The following ABHD12B variants were observed in gnomAD, a reference collection of about 807,000 sequenced individuals.
ABHD12B encodes the protein abhydrolase domain containing 12B, also known as protein ABHD12B.
ABHD12B carries 42 observed loss-of-function variants against 50.4 expected under a neutral mutation model. That is an observed-to-expected ratio of 0.83 (90% CI 0.65 to 1.08). The LOEUF is 1.08. ABHD12B is among the 50% of genes least tolerant of loss of function. The probability of loss-of-function intolerance (pLI) is 0.00; values close to 1 mark genes in which losing one functional copy is unlikely to be tolerated. For synonymous variants in ABHD12B, 167 were observed against 160.3 expected, an observed-to-expected ratio of 1.04 and a Z score of -0.32; for missense variants, 479 against 447.7, an observed-to-expected ratio of 1.07 and a Z score of -0.63.
At chr14:50,897,916 C>A (rs908426287) in intron 9 of ABHD12B, among the ~76,000 whole-genome samples, 1 of 152,116 alleles carries the variant, frequency 6.6e-6, no homozygotes, top group African/African-American at 2.4e-5. Flanking sequence ...TTATGTATGG[C>A]AGGAAAAGGC....
rs750435273 is a variant in ABHD12B, at chr14:50,888,931, G to T, written c.780+28G>T. 7.6e-6 allele frequency: 12 copies of T among 1,586,886 alleles called. No individual in the cohort carries two copies. Among genetic ancestry groups the T allele is most frequent in the Non-Finnish European group, 1.0e-5 (12 of 1,156,252 alleles). On this transcript the variant is annotated intron_variant, in intron 9 of 12. Transcript: ENST00000337334. ...GAGACTCTGATTCATCTTTACAAGG[G>T]ATCAAAGTAGGCTATTTTGATACAG...
chr14:50,895,612 C>T (rs2050187782), intron 9 of ABHD12B: 2 of 152,158 alleles, frequency 1.3e-5, no homozygotes, highest in South Asian at 4.1e-4. Flanking sequence ...CTGACTGACT[C>T]CTTCCCAGAT....
chr14:50,880,538 T>C lies in ABHD12B; in HGVS notation c.422T>C (p.Ile141Thr), dbSNP rs759679516. The C allele has an allele frequency of 6.8e-6, 11 of 1,606,700 alleles. No individual in the cohort carries two copies. In the African/African-American group the frequency reaches 1.3e-4, roughly 20 times the overall value. The change falls in exon 4 of 13, where the codon ATT becomes ACT. Residue 141 changes from isoleucine to threonine, a missense_variant. Coordinates refer to ENST00000337334, the MANE Select transcript of ABHD12B (RefSeq NM_001206673.2). ...YEAALRDGNP[I>T]IVYLHGSAEH... ...GCAGCCCTTCGTGATGGGAACCCAA[T>C]TATTGTTTATCTTCATGGCAGTGCA...
chr14:50,898,990 C>A (rs2050231056), intron 9 of ABHD12B, among the ~76,000 whole-genome samples: 1 of 152,082 alleles, frequency 6.6e-6, no homozygotes, highest in African/African-American at 2.4e-5. Context: ...GTCAGGAGTT[C>A]AAGACCAGCC....
intron 5 of ABHD12B, among the ~76,000 whole-genome samples, chr14:50,882,238 C>A (rs373552936): frequency 2.7e-5 from 4 of 150,358 alleles, no homozygotes; most frequent in Admixed American, 2.7e-4. Flanking sequence ...ACCCGGCTGA[C>A]GTTTTTATTT....
At chr14:50,886,206 G>A (rs1210777614) in intron 7 of ABHD12B, among the ~76,000 whole-genome samples, 4 of 152,162 alleles carry the variant, frequency 2.6e-5, no homozygotes. Context: ...GGGAGGCTGA[G>A]GTGGGCAGAT....
intron 4 of ABHD12B, 139 bp downstream of exon 4, chr14:50,880,710 G>A: frequency 1.9e-6 from 2 of 1,031,918 alleles, no homozygotes; most frequent in Non-Finnish European, 2.6e-6. Flanking sequence ...GAAATCTGAG[G>A]GTGTTCTGGC....
intron 5 of ABHD12B, among the ~76,000 whole-genome samples, chr14:50,885,032 A>G (rs994408282): frequency 3.3e-5 from 5 of 152,168 alleles, no homozygotes; most frequent in Middle Eastern, 3.2e-3. Flanking sequence ...CCTAAAGGCG[A>G]CTATTATTGT....
In ABHD12B at chr14:50,887,211, C is replaced by CAAAAAA. The variant is rs59924695; in HGVS notation, c.700+540_700+545dup. Among the ~76,000 whole-genome samples, 3 of 43,626 alleles carry CAAAAAA rather than the reference C, an allele frequency of 6.9e-5. 1 individual carries two copies. Among genetic ancestry groups the CAAAAAA allele is most frequent in the Non-Finnish European group, 7.4e-5 (2 of 27,158 alleles). 28.6% of individuals were successfully genotyped at this position (43,626 alleles called of 152,430 possible). On this transcript the variant is annotated intron_variant, in intron 8 of 12. Coordinates refer to ENST00000337334, the MANE Select transcript of ABHD12B (RefSeq NM_001206673.2). ...TGGGCGACAGAGCAAGAGTCTGTCT[C>CAAAAAA]AAAAAAAAAAAAAAAAAAGAGTCCT...
At chr14:50,890,831 G>A (rs1248828873) in intron 9 of ABHD12B, among the ~76,000 whole-genome samples, 1 of 152,194 alleles carries the variant, frequency 6.6e-6, no homozygotes, top group Middle Eastern at 3.2e-3. Flanking sequence ...TACCCTAGGA[G>A]TAGAATTGTG....
At position 50,880,648 on chromosome 14, in the gene ABHD12B, G is replaced by A. The variant is rs1282241023; in HGVS notation, c.455+77G>A. ...GCCCCATGGGGGAATGAAGGACAGG[G>A]CTCTGTTTTTAACTCTGTAGGCATG... On this transcript the variant is annotated intron_variant, in intron 4 of 12. Coordinates refer to ENST00000337334, the MANE Select transcript of ABHD12B (RefSeq NM_001206673.2). The A allele has an allele frequency of 3.5e-6, 5 of 1,420,318 alleles. No homozygotes were observed. In the East Asian group the frequency reaches 7.8e-5, roughly 22 times the overall value. 88.0% of individuals were successfully genotyped at this position (1,420,318 alleles called of 1,614,324 possible). A position where few individuals can be genotyped will look rare whatever the true frequency, so the allele number is the denominator to read the frequency against.
rs2050298690 is a variant in ABHD12B at position 50,904,051 on chromosome 14, GAGTCT to G, written c.943-22_943-18del. The G allele has an allele frequency of 6.3e-7, 1 of 1,585,502 alleles. No homozygotes were observed. Among genetic ancestry groups the G allele is most frequent in the Non-Finnish European group, 8.6e-7 (1 of 1,158,676 alleles). The stretch of plus-strand genomic sequence containing the variant: ...CTACAGCTTTGAATGGCCATCCTTT[GAGTCT>G]CTTTCTGTCGCTTGCAGCTCTATGA... On this transcript the variant is annotated intron_variant, in intron 11 of 12. Transcript: ENST00000337334.
chr14:50,877,341 T>A (rs947112197), intron 1 of ABHD12B, among the ~76,000 whole-genome samples: 7 of 152,226 alleles, frequency 4.6e-5, no homozygotes, highest in Non-Finnish European at 1.0e-4. Context: ...GCAGCAACTG[T>A]TAAACTGTCT....
chr14:50,901,459 A>C (rs553063175), intron 9 of ABHD12B, among the ~76,000 whole-genome samples: 2 of 152,340 alleles, frequency 1.3e-5, no homozygotes, highest in Admixed American at 1.3e-4. Context: ...ATTTTTGACT[A>C]ATCAGAATAT....
At chr14:50,897,071 GTT>G (rs546998445) in intron 9 of ABHD12B, among the ~76,000 whole-genome samples, 42,620 of 127,254 alleles carry the variant, frequency 0.33, 6,700 homozygotes, top group East Asian at 0.55. Context: ...ATTTAGTTTA[GTT>G]TTTTTTTTTT....
chr14:50,904,367 G>A lies in ABHD12B; in HGVS notation c.*1G>A. The A allele has an allele frequency of 6.2e-7, 1 of 1,613,914 alleles. No individual in the cohort carries two copies. Among genetic ancestry groups the A allele is most frequent in the South Asian group, 1.1e-5 (1 of 91,086 alleles). On this transcript the variant is annotated 3_prime_UTR_variant, in exon 13 of 13. Coordinates refer to ENST00000337334, the MANE Select transcript of ABHD12B (RefSeq NM_001206673.2). Reference sequence around the variant, plus strand: ...TTTCCTGAGCAAGCAGTGGTCATGAGTCTGGGAGGAGTGGAAATCTTCAAT... The same window carrying A: ...TTTCCTGAGCAAGCAGTGGTCATGAATCTGGGAGGAGTGGAAATCTTCAAT...
intron 9 of ABHD12B, among the ~76,000 whole-genome samples, chr14:50,890,470 A>G (rs1417104037): frequency 6.6e-6 from 1 of 152,178 alleles, no homozygotes; most frequent in Non-Finnish European, 1.5e-5. Context: ...TTTTACGGTA[A>G]TCATGTCTAT....
chr14:50,903,443 A>C lies in ABHD12B; in HGVS notation c.918A>C (p.Thr306=). ...TCTTACATGGAGAGGATGACAGGACAGTGCCTTTGGAGTATGGGAAAAAGG... is the reference window on the plus strand; with the variant it reads ...TCTTACATGGAGAGGATGACAGGACCGTGCCTTTGGAGTATGGGAAAAAGG... ...LLILHGEDDR[T]VPLEYGKKLY... is the part of the protein sequence containing the mutation. The change falls in exon 11 of 13, where the codon ACA becomes ACC. Residue 306 remains threonine (T), a synonymous_variant. Coordinates refer to ENST00000337334, the MANE Select transcript of ABHD12B (RefSeq NM_001206673.2). 6.2e-7 allele frequency: 1 copy of C among 1,612,782 alleles called. No individual in the cohort carries two copies. Among genetic ancestry groups the C allele is most frequent in the Non-Finnish European group, 8.5e-7 (1 of 1,179,068 alleles).
intron 5 of ABHD12B, among the ~76,000 whole-genome samples, chr14:50,883,532 G>T (rs1347324630): frequency 6.6e-6 from 1 of 152,268 alleles, no homozygotes; most frequent in Non-Finnish European, 1.5e-5. Context: ...CCTGCCCTTT[G>T]CATTCCCCAC....
Sources: allele counts gnomAD v4.1 joint callset (sites outside exome capture counted in the v4.1 genomes callset), GRCh38; gene constraint gnomAD v4.1.1; transcripts MANE v1.5; gene names NCBI Gene and HGNC (gene_info 2026-07-23, HGNC 2026-07-21).